CRPPA: variants seen among roughly 807,000 people sequenced by gnomAD.
The protein encoded by CRPPA is CDP-L-ribitol pyrophosphorylase A, also known as D-ribitol-5-phosphate cytidylyltransferase.
A neutral mutation model predicts 52.0 loss-of-function variants in CRPPA; 43 were observed. That is an observed-to-expected ratio of 0.83 (90% CI 0.65 to 1.07). CRPPA has a LOEUF of 1.07. Among genes scored for constraint, CRPPA ranks in the 50% least tolerant of loss-of-function variants. CRPPA has a pLI of 0.00. For synonymous variants in CRPPA, 250 were observed against 203.5 expected (o/e 1.23, Z -1.94); for missense variants, 629 against 551.7 (o/e 1.14, Z -1.40).
At chr7:16,373,901 C>A (rs1329045384) in intron 3 of CRPPA, among the ~76,000 whole-genome samples, 1 of 152,138 alleles carries the variant, frequency 6.6e-6, no homozygotes, top group African/African-American at 2.4e-5. Context: ...TATCTATAAC[C>A]TAAAACTGCA....
At chr7:16,387,035 TA>T (rs368044666) in intron 2 of CRPPA, among the ~76,000 whole-genome samples, 16,183 of 91,568 alleles carry the variant, frequency 0.18, 1,196 homozygotes, top group South Asian at 0.31. Flanking sequence ...TAATTTAAAA[TA>T]AAAAAAAGAT....
intron 9 of CRPPA, among the ~76,000 whole-genome samples, chr7:16,139,729 T>C (rs537187642): frequency 1.3e-5 from 2 of 152,044 alleles, no homozygotes; most frequent in Non-Finnish European, 2.9e-5. Flanking sequence ...AATCGATCAA[T>C]AAAGGAAGAA....
intron 3 of CRPPA, among the ~76,000 whole-genome samples, chr7:16,328,878 T>G (rs1370747547): frequency 3.3e-5 from 5 of 152,134 alleles, no homozygotes; most frequent in African/African-American, 9.6e-5. Flanking sequence ...CAATTTGGGG[T>G]TTCTTTTAAA....
chr7:16,416,017 T>C (rs1788183317), intron 1 of CRPPA, among the ~76,000 whole-genome samples: 1 of 152,156 alleles, frequency 6.6e-6, no homozygotes, highest in African/African-American at 2.4e-5. Flanking sequence ...ATTTCTTAGG[T>C]GAGATATTAA....
chr7:16,236,245 A>T (rs1217533913), intron 8 of CRPPA, among the ~76,000 whole-genome samples: 1 of 152,122 alleles, frequency 6.6e-6, no homozygotes, highest in African/African-American at 2.4e-5. Flanking sequence ...AATACTACTC[A>T]GTAGGCAGAG....
chr7:16,148,717 G>C (rs1384543559), intron 9 of CRPPA, among the ~76,000 whole-genome samples: 1 of 152,034 alleles, frequency 6.6e-6, no homozygotes, highest in Non-Finnish European at 1.5e-5. Context: ...TTCTATAGTA[G>C]GGTAAATAGA....
intron 2 of CRPPA, among the ~76,000 whole-genome samples, chr7:16,376,751 G>C (rs1453160365): frequency 6.6e-6 from 1 of 152,196 alleles, no homozygotes; most frequent in Non-Finnish European, 1.5e-5. Context: ...AGGAAAAACA[G>C]TTCCTGTCAA....
intron 4 of CRPPA, among the ~76,000 whole-genome samples, chr7:16,301,932 C>T (rs1279282703): frequency 6.6e-6 from 1 of 152,030 alleles, no homozygotes; most frequent in Non-Finnish European, 1.5e-5. Context: ...TCCGTATGAA[C>T]CTAGATAAGA....
chr7:16,356,169 C>T (rs1409384360), intron 3 of CRPPA, among the ~76,000 whole-genome samples: 1 of 152,072 alleles, frequency 6.6e-6, no homozygotes, highest in Non-Finnish European at 1.5e-5. Context: ...AAATACTTTA[C>T]TAGGCACTGA....
chr7:16,119,885 G>A (rs575316483), intron 9 of CRPPA, among the ~76,000 whole-genome samples: 16 of 152,304 alleles, frequency 1.1e-4, no homozygotes, highest in Admixed American at 3.9e-4. Flanking sequence ...AGTCTGGAAC[G>A]TGGAAAAGAG....
At chr7:16,356,265 C>G (rs990417698) in intron 3 of CRPPA, among the ~76,000 whole-genome samples, 2 of 152,180 alleles carry the variant, frequency 1.3e-5, no homozygotes, top group Non-Finnish European at 2.9e-5. Context: ...AACAACCCAG[C>G]AAGGAAGGTA....
chr7:16,361,883 CTCGCTCTA>C (rs1292578515), intron 3 of CRPPA, among the ~76,000 whole-genome samples: 2 of 152,034 alleles, frequency 1.3e-5, no homozygotes, highest in Non-Finnish European at 2.9e-5. Flanking sequence ...TAGACAGAGT[CTCGCTCTA>C]TCGCCCAGGC....
At chr7:16,342,634 G>A (rs570585506) in intron 3 of CRPPA, among the ~76,000 whole-genome samples, 113 of 150,426 alleles carry the variant, frequency 7.5e-4, no homozygotes, top group East Asian at 3.3e-3. Flanking sequence ...CATGCACAAG[G>A]CCGGGCACAG....
intron 3 of CRPPA, among the ~76,000 whole-genome samples, chr7:16,359,618 G>A (rs183626164): frequency 2.6e-5 from 4 of 152,268 alleles, no homozygotes; most frequent in Admixed American, 6.5e-5. Flanking sequence ...TAAAGATTAC[G>A]ATATGCCTTT....
At chr7:16,242,067 C>T (rs74478909) in intron 8 of CRPPA, among the ~76,000 whole-genome samples, 3,920 of 147,682 alleles carry the variant, frequency 0.027, 119 homozygotes, top group East Asian at 0.14. Flanking sequence ...CTTCTGCCTC[C>T]GCCTTCTGAG....
intron 3 of CRPPA, among the ~76,000 whole-genome samples, chr7:16,367,229 G>T (rs1158451070): frequency 6.6e-6 from 1 of 151,292 alleles, no homozygotes; most frequent in African/African-American, 2.4e-5. Context: ...TGCTCCCTGT[G>T]CCCACTGTGC....
intron 8 of CRPPA, among the ~76,000 whole-genome samples, chr7:16,220,595 G>A (rs1223777074): frequency 7.7e-6 from 1 of 129,356 alleles, no homozygotes; most frequent in African/African-American, 3.0e-5. Flanking sequence ...CTTCAGCAAA[G>A]TCTCAGGATA....
chr7:16,334,913 G>GA (rs1785640875), intron 3 of CRPPA, among the ~76,000 whole-genome samples: 2 of 152,060 alleles, frequency 1.3e-5, no homozygotes, highest in Admixed American at 1.3e-4. Flanking sequence ...TGAGAATTAT[G>GA]AAAAATCAGG....
chr7:16,344,405 CAAAAAAAAA>C (rs35320924), intron 3 of CRPPA, among the ~76,000 whole-genome samples: 3 of 99,374 alleles, frequency 3.0e-5, no homozygotes, highest in African/African-American at 7.5e-5. Flanking sequence ...TATCTCTACC[CAAAAAAAAA>C]AAAAAAAAAA....
Sources: allele counts gnomAD v4.1 joint callset (sites outside exome capture counted in the v4.1 genomes callset), GRCh38; gene constraint gnomAD v4.1.1; transcripts MANE v1.5; gene names NCBI Gene and HGNC (gene_info 2026-07-23, HGNC 2026-07-21).